CSMD1: variants seen among roughly 807,000 people sequenced by gnomAD.
CSMD1 encodes CUB and sushi domain-containing protein 1.
CSMD1 carries 213 observed loss-of-function variants against 417.5 expected under a neutral mutation model. That is an observed-to-expected ratio of 0.51 (90% confidence interval 0.46 to 0.57). CSMD1 has a LOEUF of 0.57. Ranked by LOEUF, CSMD1 falls within the 20% of genes least tolerant of loss-of-function variation. CSMD1 has a pLI of 0.00. For synonymous variants in CSMD1, 2,862 were observed against 1,736.8 expected, an observed-to-expected ratio of 1.65 and a Z score of -16.11; for missense variants, 6,923 against 4,529.7, an observed-to-expected ratio of 1.53 and a Z score of -15.17.
At chr8:3,646,211 AT>A (rs1797563627) in intron 7 of CSMD1, among the ~76,000 whole-genome samples, 1 of 152,182 alleles carries the variant, frequency 6.6e-6, no homozygotes, top group East Asian at 1.9e-4. Context: ...TCATATTTGA[AT>A]AAAAATTACA....
intron 2 of CSMD1, among the ~76,000 whole-genome samples, chr8:4,612,941 C>G (rs1050261462): frequency 1.3e-5 from 2 of 152,166 alleles, no homozygotes; most frequent in African/African-American, 4.8e-5. Flanking sequence ...ATGGGAAGAG[C>G]TGATGCTGTG....
At chr8:4,865,108 A>C (rs1208552367) in intron 1 of CSMD1, among the ~76,000 whole-genome samples, 1 of 151,810 alleles carries the variant, frequency 6.6e-6, no homozygotes, top group East Asian at 1.9e-4. Flanking sequence ...TGAATTATGT[A>C]ATAGTGATAA....
intron 2 of CSMD1, among the ~76,000 whole-genome samples, chr8:4,631,851 G>A (rs1318673195): frequency 6.6e-6 from 1 of 152,140 alleles, no homozygotes; most frequent in Admixed American, 6.5e-5. Context: ...AAATGCCAAA[G>A]CTATTTCCCT....
chr8:4,129,293 T>C (rs918412859), intron 3 of CSMD1, among the ~76,000 whole-genome samples: 4 of 152,040 alleles, frequency 2.6e-5, no homozygotes, highest in African/African-American at 9.7e-5. Context: ...ACTAGCACAG[T>C]CATTATCTTC....
intron 3 of CSMD1, among the ~76,000 whole-genome samples, chr8:4,112,814 G>C (rs1326027511): frequency 6.6e-6 from 1 of 152,148 alleles, no homozygotes; most frequent in African/African-American, 2.4e-5. Context: ...CATAACTTTT[G>C]TTTATGGCTC....
chr8:3,540,546 G>A (rs548824121), intron 10 of CSMD1, among the ~76,000 whole-genome samples: 1 of 152,208 alleles, frequency 6.6e-6, no homozygotes, highest in African/African-American at 2.4e-5. Flanking sequence ...TCTAATTAAA[G>A]TAAAGAGCTT....
Position 4,019,209 on chromosome 8 carries a change from C to T in CSMD1, c.610+12696G>A, listed in dbSNP as rs147642756. Among the ~76,000 whole-genome samples, 412 of 152,254 alleles carry T rather than the reference C, an allele frequency of 2.7e-3. 1 individual carries two copies. Among genetic ancestry groups the T allele is most frequent in the African/African-American group, 9.6e-3 (400 of 41,544 alleles). On this transcript the variant is annotated intron_variant, in intron 4 of 69. Coordinates refer to ENST00000635120, the MANE Select transcript of CSMD1 (RefSeq NM_033225.6). ...AGACAGGTTTATTATGGACAATAAA[C>T]CTGAGAGAGGCTCCTGGCTGAGTTA... is the stretch of plus-strand genomic sequence containing the variant.
intron 7 of CSMD1, among the ~76,000 whole-genome samples, chr8:3,695,689 T>A (rs2623595): frequency 0.09 from 13,668 of 152,174 alleles, 1,983 homozygotes; most frequent in African/African-American, 0.31. Context: ...TTCTAGCAAA[T>A]TGTATTTAAA....
chr8:3,976,715 C>T (rs1813463163), intron 5 of CSMD1, among the ~76,000 whole-genome samples: 1 of 152,106 alleles, frequency 6.6e-6, no homozygotes, highest in African/African-American at 2.4e-5. Context: ...TTTTAATCTC[C>T]ACAAGAACCC....
chr8:4,775,913 A>G (rs1796831158), intron 1 of CSMD1, among the ~76,000 whole-genome samples: 1 of 152,200 alleles, frequency 6.6e-6, no homozygotes, highest in Admixed American at 6.5e-5. Context: ...AGGGAGTGGC[A>G]CGCCGCAGCC....
At chr8:3,794,576 A>G (rs141816728) in intron 5 of CSMD1, among the ~76,000 whole-genome samples, 2 of 151,532 alleles carry the variant, frequency 1.3e-5, no homozygotes, top group East Asian at 3.9e-4. Flanking sequence ...CTAGTAACCC[A>G]TTGGTTTATT....
rs1470609795 is a variant in CSMD1, at chr8:4,319,088, A to G, written c.415+100865T>C. On this transcript the variant is annotated intron_variant, in intron 3 of 69. Transcript: ENST00000635120. ...TTTACTTCATTAGTAGTCCTCACAT[A>G]TACATGCACATAGTAACAAAGTAAG... 4.6e-5 allele frequency among the ~76,000 whole-genome samples: 7 copies of G among 152,306 alleles called. No homozygotes were observed. The South Asian group carries it at 1.0e-3, about 23-fold the overall frequency.
At chr8:3,568,238 T>C (rs922519330) in intron 10 of CSMD1, among the ~76,000 whole-genome samples, 8 of 152,208 alleles carry the variant, frequency 5.3e-5, no homozygotes, top group Non-Finnish European at 2.9e-5. Context: ...TTTATTTCCC[T>C]AATCAAAGTT....
At chr8:4,534,379 GT>G (rs1222475262) in intron 2 of CSMD1, among the ~76,000 whole-genome samples, 3 of 152,174 alleles carry the variant, frequency 2.0e-5, no homozygotes, top group East Asian at 1.9e-4. Flanking sequence ...TGCATGGATG[GT>G]TTATCAATTG....
rs763933089 is a variant in CSMD1 at position 2,955,540 on chromosome 8, T to G, written c.9994+49A>C. The G allele has an allele frequency of 5.5e-5, 88 of 1,589,330 alleles. No homozygotes were observed. In the Admixed American group the frequency reaches 8.4e-4, roughly 15 times the overall value. ...CACTAGCCTGATGGGCAGCTGATCC[T>G]TTCCCTTGCTCTTTGGAAAAGTATG... On this transcript the variant is annotated intron_variant, in intron 64 of 69. Coordinates refer to ENST00000635120, the MANE Select transcript of CSMD1 (RefSeq NM_033225.6).
chr8:4,991,717 C>T (rs1175094949), intron 1 of CSMD1, among the ~76,000 whole-genome samples: 1 of 152,180 alleles, frequency 6.6e-6, no homozygotes, highest in East Asian at 1.9e-4. Flanking sequence ...ACCTTGGTCA[C>T]CCGGGCTTTG....
chr8:3,493,131 T>C (rs986924801), intron 11 of CSMD1, among the ~76,000 whole-genome samples: 1 of 151,808 alleles, frequency 6.6e-6, no homozygotes, highest in Non-Finnish European at 1.5e-5. Flanking sequence ...CTGTCTCTAA[T>C]AATAATACAA....
At chr8:3,003,696 A>T (rs1477968180) in intron 52 of CSMD1, among the ~76,000 whole-genome samples, 1 of 152,200 alleles carries the variant, frequency 6.6e-6, no homozygotes, top group Non-Finnish European at 1.5e-5. Context: ...TCACGTGCAG[A>T]GTCCTGAGGG....
intron 1 of CSMD1, among the ~76,000 whole-genome samples, chr8:4,877,783 C>T (rs963534025): frequency 4.6e-5 from 7 of 152,046 alleles, no homozygotes; most frequent in African/African-American, 1.7e-4. Flanking sequence ...AAGTACAGTC[C>T]TAGAGATTTG....
Sources: gnomAD v4.1 joint callset for allele counts (sites outside exome capture counted in the v4.1 genomes callset) on GRCh38, gnomAD v4.1.1 for gene constraint, MANE v1.5 for transcripts, NCBI Gene and HGNC (gene_info 2026-07-23, HGNC 2026-07-21) for gene names.